The following DACH2 variants were observed in gnomAD, a reference collection of about 807,000 sequenced individuals.
DACH2 encodes the protein dachshund family transcription factor 2, also known as dachshund homolog 2.
In DACH2, 17 loss-of-function variants were observed where a neutral mutation model predicts 35.8. The observed-to-expected ratio is 0.48, with a 90% CI of 0.33 to 0.71. The LOEUF (loss-of-function observed/expected upper bound fraction) is 0.71. Ranked by LOEUF, DACH2 falls within the 30% of genes least tolerant of loss-of-function variation. The pLI is 0.02. For missense variants in DACH2, 469 were observed against 472.7 expected (o/e 0.99, Z 0.07); for synonymous variants, 195 against 177.3 (o/e 1.10, Z -0.79).
At chrX:86,821,191 C>T (rs2042508567) in intron 11 of DACH2, among the ~76,000 whole-genome samples, 1 of 110,766 alleles carries the variant, frequency 9.0e-6, no homozygotes, top group Admixed American at 9.7e-5. Context: ...TATTAATTTC[C>T]CTCCCATTGA....
intron 3 of DACH2, among the ~76,000 whole-genome samples, chrX:86,607,225 G>A (rs1275697393): frequency 9.0e-6 from 1 of 111,142 alleles, no homozygotes; most frequent in Non-Finnish European, 1.9e-5. Flanking sequence ...CTGTCATTTT[G>A]TTATTTGTTT....
chrX:86,603,533 G>T (rs935627696), intron 3 of DACH2, among the ~76,000 whole-genome samples: 2 of 111,055 alleles, frequency 1.8e-5, no homozygotes, highest in Non-Finnish European at 3.8e-5. Flanking sequence ...TGAGACTATG[G>T]TTATGATTCA....
chrX:86,162,829 A>G (rs2030810339), intron 1 of DACH2, among the ~76,000 whole-genome samples: 2 of 111,162 alleles, frequency 1.8e-5, no homozygotes, highest in Admixed American at 1.9e-4. Context: ...CACATTTTTG[A>G]AACGTGTTGA....
At chrX:86,800,005 G>A (rs990972212) in intron 7 of DACH2, among the ~76,000 whole-genome samples, 2 of 111,783 alleles carry the variant, frequency 1.8e-5, no homozygotes, top group African/African-American at 6.5e-5. Context: ...CCAACACAGA[G>A]AGACATTCAG....
chrX:86,603,702 T>C (rs1047131898), intron 3 of DACH2, among the ~76,000 whole-genome samples: 1 of 111,669 alleles, frequency 9.0e-6, no homozygotes, highest in Non-Finnish European at 1.9e-5. Flanking sequence ...TTCATCTCTG[T>C]AGCTTCCACT....
intron 2 of DACH2, among the ~76,000 whole-genome samples, chrX:86,452,865 G>A (rs767131569): frequency 9.0e-6 from 1 of 110,953 alleles, no homozygotes; most frequent in Non-Finnish European, 1.9e-5. Flanking sequence ...GCTAGCTTTT[G>A]GGTCTGTTTG....
intron 1 of DACH2, among the ~76,000 whole-genome samples, chrX:86,197,739 G>A (rs1450277805): frequency 2.7e-5 from 3 of 111,679 alleles, no homozygotes; most frequent in Non-Finnish European, 5.6e-5. Context: ...TATATATGCA[G>A]TCAACACAGG....
At chrX:86,244,112 T>A (rs984709407) in intron 1 of DACH2, among the ~76,000 whole-genome samples, 1 of 112,083 alleles carries the variant, frequency 8.9e-6, no homozygotes, top group East Asian at 2.8e-4. Context: ...CTATTTTGCA[T>A]TAAGATGTGG....
intron 7 of DACH2, among the ~76,000 whole-genome samples, chrX:86,742,490 C>T (rs973698526): frequency 9.0e-6 from 1 of 110,623 alleles, no homozygotes; most frequent in African/African-American, 3.3e-5. Flanking sequence ...ATCTTCAGAC[C>T]AACAAAAAAT....
intron 1 of DACH2, among the ~76,000 whole-genome samples, chrX:86,322,173 GA>G (rs752639628): frequency 8.1e-5 from 9 of 111,239 alleles, no homozygotes; most frequent in African/African-American, 2.9e-4. Context: ...CTAATAGTTG[GA>G]TAATATTAAA....
intron 1 of DACH2, among the ~76,000 whole-genome samples, chrX:86,315,836 C>CAGAGAGAGAG (rs1335928510): frequency 1.0e-4 from 8 of 78,047 alleles, no homozygotes; most frequent in African/African-American, 4.3e-4. Context: ...CACACACACA[C>CAGAGAGAGAG]ACACAGAGAG....
intron 1 of DACH2, among the ~76,000 whole-genome samples, chrX:86,223,211 C>T (rs1402869970): frequency 9.0e-6 from 1 of 111,625 alleles, no homozygotes; most frequent in African/African-American, 3.3e-5. Flanking sequence ...AATTATAGGC[C>T]TCTGCATTAC....
At chrX:86,758,951 A>G (rs1211720917) in intron 7 of DACH2, among the ~76,000 whole-genome samples, 1 of 112,084 alleles carries the variant, frequency 8.9e-6, no homozygotes, top group African/African-American at 3.2e-5. Context: ...TTTTAAATGT[A>G]CAATTAATTT....
chrX:86,743,803 A>G, intron 7 of DACH2, among the ~76,000 whole-genome samples: 1 of 111,453 alleles, frequency 9.0e-6, no homozygotes, highest in African/African-American at 3.2e-5. Flanking sequence ...TGTCAGAAAG[A>G]AAGTCAGGTT....
chrX:86,148,568 A>G lies in DACH2; in HGVS notation c.-53A>G. On this transcript the variant is annotated 5_prime_UTR_variant, in exon 1 of 12. Transcript: ENST00000373125. Reference sequence around the variant, plus strand: ...GAGTGAGTGCGAGGGGATCTAGAGGAGTCAGGGCGAGAAAGCGAGGGCCGG... The same window carrying G: ...GAGTGAGTGCGAGGGGATCTAGAGGGGTCAGGGCGAGAAAGCGAGGGCCGG... 1 of 1,112,682 alleles carries G rather than the reference A, an allele frequency of 9.0e-7. No homozygotes were observed. Among genetic ancestry groups the G allele is most frequent in the Admixed American group, 3.1e-5 (1 of 32,453 alleles). 91.7% of individuals were successfully genotyped at this position (1,112,682 alleles called of 1,213,427 possible).
intron 2 of DACH2, among the ~76,000 whole-genome samples, chrX:86,437,546 G>T (rs774828908): frequency 1.9e-4 from 21 of 111,148 alleles, no homozygotes; most frequent in African/African-American, 6.9e-4. Context: ...AGATTTTTTT[G>T]TGTGTGTCTG....
At chrX:86,470,945 C>T (rs2037752153) in intron 2 of DACH2, among the ~76,000 whole-genome samples, 1 of 111,067 alleles carries the variant, frequency 9.0e-6, no homozygotes, top group African/African-American at 3.3e-5. Flanking sequence ...ATTTGCAAGG[C>T]TCAACCCCCG....
At chrX:86,322,871 G>T (rs1377441325) in intron 1 of DACH2, among the ~76,000 whole-genome samples, 1 of 112,055 alleles carries the variant, frequency 8.9e-6, no homozygotes, top group Non-Finnish European at 1.9e-5. Flanking sequence ...AAAACATAAG[G>T]GTCAAATGGT....
intron 3 of DACH2, among the ~76,000 whole-genome samples, chrX:86,599,016 A>G (rs1230177290): frequency 1.8e-5 from 2 of 109,073 alleles, no homozygotes; most frequent in African/African-American, 6.8e-5. Context: ...AAGTGTTCTC[A>G]TTGTTCAATT....
Sources: gnomAD v4.1 joint callset for allele counts (sites outside exome capture counted in the v4.1 genomes callset) on GRCh38, gnomAD v4.1.1 for gene constraint, MANE v1.5 for transcripts, NCBI Gene and HGNC (gene_info 2026-07-23, HGNC 2026-07-21) for gene names.